The following ARNT2 variants were observed in gnomAD, a reference collection of about 807,000 sequenced individuals.
ARNT2 encodes the protein ARNT protein 2.
Under a neutral mutation model 91.7 loss-of-function variants are expected in ARNT2, and 36 were observed. The observed-to-expected ratio is 0.39, with a 90% confidence interval of 0.30 to 0.52. The LOEUF (loss-of-function observed/expected upper bound fraction) is 0.52, where lower values mean the gene tolerates loss of function less well. Ranked by LOEUF, ARNT2 falls within the 20% of genes least tolerant of loss-of-function variation. ARNT2 has a pLI of 0.72. For missense variants in ARNT2, 775 were observed against 939.3 expected, an observed-to-expected ratio of 0.83 and a Z score of 2.29; for synonymous variants, 365 against 347.1, an observed-to-expected ratio of 1.05 and a Z score of -0.57.
chr15:80,577,008 C>G (rs373908067), intron 15 of ARNT2, 43 bp downstream of exon 15: 14 of 1,590,648 alleles, frequency 8.8e-6, no homozygotes, highest in Non-Finnish European at 1.2e-5. Context: ...AAGATGCTCC[C>G]TCACCAAGAA....
chr15:80,443,351 G>A lies in ARNT2; in HGVS notation c.32-7529G>A, dbSNP rs558574059. Among the ~76,000 whole-genome samples, 4 of 152,298 alleles carry A rather than the reference G, an allele frequency of 2.6e-5. No individual in the cohort carries two copies. The East Asian group carries it at 7.7e-4, about 29-fold the overall frequency. The stretch of plus-strand genomic sequence containing the variant: ...GGGAACTCCAGGTTTGGGCTAAGAG[G>A]AAAGAAAATGTGTTAGAAGACAGAG... On this transcript the variant is annotated intron_variant, in intron 1 of 18. Coordinates refer to ENST00000303329, the MANE Select transcript of ARNT2 (RefSeq NM_014862.4).
intron 5 of ARNT2, among the ~76,000 whole-genome samples, chr15:80,504,151 C>G (rs1370606556): frequency 1.3e-5 from 2 of 152,190 alleles, no homozygotes; most frequent in African/African-American, 4.8e-5. Context: ...CTTCAAGGCC[C>G]TTTTGATTTC....
rs1898107592 is a variant in ARNT2, at chr15:80,552,854, C to A, written c.1089+80C>A. ...AAACATTCTTACTTCATTTGAGATA[C>A]AACACAATGGCCATGTGGAGAAACA... On this transcript the variant is annotated intron_variant, in intron 10 of 18. Transcript: ENST00000303329. The A allele has an allele frequency of 2.6e-6, 4 of 1,521,098 alleles. No homozygotes were observed. In the African/African-American group the frequency reaches 5.5e-5, roughly 21 times the overall value. 94.2% of individuals were successfully genotyped at this position (1,521,098 alleles called of 1,614,324 possible).
intron 1 of ARNT2, among the ~76,000 whole-genome samples, chr15:80,429,730 C>G (rs890695756): frequency 3.3e-5 from 5 of 152,212 alleles, no homozygotes; most frequent in African/African-American, 1.2e-4. Flanking sequence ...GGATCCATGC[C>G]AACTCCAGGT....
At position 80,510,556 on chromosome 15, in the gene ARNT2, T is replaced by C. The variant is rs960103603; in HGVS notation, c.725+2298T>C. ...TATTAAAAAGTCAAAAAGGGCCGGG[T>C]GAGGTGGCTCATGCCTGTAATCCCA... On this transcript the variant is annotated intron_variant, in intron 6 of 18. Coordinates refer to ENST00000303329, the MANE Select transcript of ARNT2 (RefSeq NM_014862.4). Among the ~76,000 whole-genome samples, 3 of 151,920 alleles carry C rather than the reference T, an allele frequency of 2.0e-5. No individual in the cohort carries two copies. In the South Asian group the frequency reaches 6.2e-4, roughly 32 times the overall value.
chr15:80,467,925 C>T (rs1896678930), intron 3 of ARNT2, among the ~76,000 whole-genome samples: 1 of 152,180 alleles, frequency 6.6e-6, no homozygotes, highest in Non-Finnish European at 1.5e-5. Flanking sequence ...TCCTGTATCT[C>T]CTCCAGGGAA....
intron 12 of ARNT2, among the ~76,000 whole-genome samples, chr15:80,566,332 C>G (rs1227381336): frequency 6.6e-6 from 1 of 152,190 alleles, no homozygotes; most frequent in Non-Finnish European, 1.5e-5. Context: ...TCTTCCTGTT[C>G]ATGAGTGTAT....
intron 5 of ARNT2, among the ~76,000 whole-genome samples, chr15:80,491,428 C>T (rs1897054503): frequency 6.6e-6 from 1 of 152,158 alleles, no homozygotes; most frequent in African/African-American, 2.4e-5. Flanking sequence ...GAAAGACCTG[C>T]TCCCATGATT....
At position 80,404,417 on chromosome 15, in the gene ARNT2, C is replaced by T; in HGVS notation, c.-99C>T. On this transcript the variant is annotated 5_prime_UTR_variant, in exon 1 of 19. Coordinates refer to ENST00000303329, the MANE Select transcript of ARNT2 (RefSeq NM_014862.4). The surrounding 1 kb of genome is among the most constrained non-coding windows in gnomAD (Gnocchi z 5.5). ...CGCGCCGTCCTTTGTGTGGCGGCGG[C>T]GGCGCCTGGGCCTGACCGGGTCCCC... 3 of 760,530 alleles carry T rather than the reference C, an allele frequency of 3.9e-6. No individual in the cohort carries two copies. The highest frequency in any genetic ancestry group is 3.3e-6 in the Non-Finnish European group (2 of 614,662). The allele number at this position is 760,530 out of a possible 1,614,324, so 47.1% of individuals were successfully genotyped here.
At chr15:80,451,090 A>T (rs1416684238) in intron 2 of ARNT2, 96 bp downstream of exon 2, 15 of 1,182,354 alleles carry the variant, frequency 1.3e-5, no homozygotes, top group Non-Finnish European at 1.7e-5. Context: ...TTCCTGTAGA[A>T]TAAAAGCTCA....
At chr15:80,549,831 G>A (rs529616889) in intron 8 of ARNT2, among the ~76,000 whole-genome samples, 4 of 152,256 alleles carry the variant, frequency 2.6e-5, no homozygotes, top group Admixed American at 2.0e-4. Flanking sequence ...TTTTGACCCA[G>A]CAATCCCACT....
At chr15:80,547,220 G>C (rs1237497402) in intron 8 of ARNT2, among the ~76,000 whole-genome samples, 1 of 152,174 alleles carries the variant, frequency 6.6e-6, no homozygotes, top group African/African-American at 2.4e-5. Flanking sequence ...CATTTGCGCT[G>C]ATGGCGTAAA....
chr15:80,509,317 C>G (rs1897312448), intron 6 of ARNT2, among the ~76,000 whole-genome samples: 1 of 152,158 alleles, frequency 6.6e-6, no homozygotes, highest in East Asian at 1.9e-4. Flanking sequence ...TGGCACACAC[C>G]TGTAATCCCA....
chr15:80,523,117 C>T (rs1470918830), intron 8 of ARNT2, among the ~76,000 whole-genome samples: 3 of 152,176 alleles, frequency 2.0e-5, no homozygotes, highest in Non-Finnish European at 4.4e-5. Context: ...CATGGATGCT[C>T]ATGTCCAATG....
intron 1 of ARNT2, among the ~76,000 whole-genome samples, chr15:80,437,121 C>G (rs1567179255): frequency 6.6e-6 from 1 of 152,136 alleles, no homozygotes; most frequent in African/African-American, 2.4e-5. Context: ...GGGCCTTATA[C>G]TGTGCCATGG....
At chr15:80,540,071 A>G (rs924819514) in intron 8 of ARNT2, among the ~76,000 whole-genome samples, 4 of 152,122 alleles carry the variant, frequency 2.6e-5, no homozygotes, top group Non-Finnish European at 4.4e-5. Flanking sequence ...CAATATATCA[A>G]AGAGATATCT....
intron 10 of ARNT2, chr15:80,554,799 T>C (rs1383679551): frequency 2.9e-6 from 1 of 345,690 alleles, no homozygotes; most frequent in African/African-American, 2.0e-5. Flanking sequence ...AAAATAAAAT[T>C]GCATTCTGAA....
chr15:80,597,095 C>G lies in ARNT2; in HGVS notation c.*3397C>G, dbSNP rs1283565641. The G allele has an allele frequency of 1.9e-6, 1 of 515,080 alleles. No individual in the cohort carries two copies. The highest frequency in any genetic ancestry group is 1.9e-5 in the African/African-American group (1 of 51,838). 31.9% of individuals were successfully genotyped at this position (515,080 alleles called of 1,614,324 possible). ...AAGGAACTTACACTGGGGAGCTTTA[C>G]TCTTCCGTGTCAACAATGTGACTAC... On this transcript the variant is annotated 3_prime_UTR_variant, in exon 19 of 19. Coordinates refer to ENST00000303329, the MANE Select transcript of ARNT2 (RefSeq NM_014862.4).
chr15:80,442,145 G>C (rs1302078114), intron 1 of ARNT2, among the ~76,000 whole-genome samples: 1 of 152,202 alleles, frequency 6.6e-6, no homozygotes, highest in African/African-American at 2.4e-5. Flanking sequence ...TCCAGGGACT[G>C]GAAATGAACA....
Sources: gnomAD v4.1 joint callset for allele counts (sites outside exome capture counted in the v4.1 genomes callset) on GRCh38, gnomAD v4.1.1 for gene constraint, Gnocchi (gnomAD v3.1) non-coding constraint, MANE v1.5 for transcripts, NCBI Gene and HGNC (gene_info 2026-07-23, HGNC 2026-07-21) for gene names.